LHX6: variants seen among roughly 807,000 people sequenced by gnomAD.
LHX6 encodes the protein LIM homeobox 6.
LHX6 carries 15 observed loss-of-function variants against 47.1 expected under a neutral mutation model. The ratio of observed to expected loss-of-function variants is 0.32; its 90% CI spans 0.21 to 0.49. LHX6 has a LOEUF of 0.49. Among genes scored for constraint, LHX6 ranks in the 20% least tolerant of loss-of-function variants. LHX6 has a pLI of 0.99. For synonymous variants in LHX6, 242 were observed against 233.5 expected (o/e 1.04, Z -0.33); for missense variants, 404 against 539.6 (o/e 0.75, Z 2.49).
chr9:122,208,657 C>T (rs555877431), intron 9 of LHX6, among the ~76,000 whole-genome samples: 41 of 152,066 alleles, frequency 2.7e-4, no homozygotes, highest in African/African-American at 5.3e-4. Context: ...CGTGGCGAAA[C>T]CCCATCTCTA....
intron 1 of LHX6, chr9:122,228,384 G>C (rs1225773702): frequency 7.9e-6 from 12 of 1,511,400 alleles, no homozygotes; most frequent in African/African-American, 1.4e-5. Flanking sequence ...TATTCAGACG[G>C]ACAATACCGG....
chr9:122,219,281 G>A (rs1246063187), intron 4 of LHX6, among the ~76,000 whole-genome samples: 2 of 152,216 alleles, frequency 1.3e-5, no homozygotes, highest in Non-Finnish European at 2.9e-5. Context: ...GGACCCTTCC[G>A]CAGGCGGCGC....
In LHX6 at chr9:122,213,509, G is replaced by T; in HGVS notation, c.1054+97C>A. On this transcript the variant is annotated intron_variant, in intron 8 of 9. Transcript: ENST00000394319. This position sits in a 1 kb window ranked among gnomAD's most constrained non-coding sequence, Gnocchi z 5.5. The stretch of plus-strand genomic sequence containing the variant: ...CTTCTTCACCCACGAGGCTCCCCAA[G>T]GCCCTCCACCCCACGCCTCGGCCTC... 1 of 1,139,036 alleles carries T rather than the reference G, an allele frequency of 8.8e-7. No homozygotes were observed. Among genetic ancestry groups the T allele is most frequent in the Non-Finnish European group, 1.2e-6 (1 of 826,660 alleles). 70.6% of individuals were successfully genotyped at this position (1,139,036 alleles called of 1,614,324 possible).
In LHX6 at chr9:122,204,562, G is replaced by A; in HGVS notation, c.*198C>T. 2 of 488,222 alleles carry A rather than the reference G, an allele frequency of 4.1e-6. No homozygotes were observed. The highest frequency in any genetic ancestry group is 7.3e-6 in the Non-Finnish European group (2 of 272,484). The allele number at this position is 488,222 out of a possible 1,614,324, so 30.2% of individuals were successfully genotyped here. On this transcript the variant is annotated 3_prime_UTR_variant, in exon 10 of 10. Transcript: ENST00000394319. ...CTGCCTTCCAAGAGGAGGACTCTGT[G>A]GTGCTCCTGGTGGGTTCTGGTTCTC...
rs1015519975 is a variant in LHX6, at chr9:122,209,534, T to G, written c.1158+80A>C. On this transcript the variant is annotated intron_variant, in intron 9 of 9. Transcript: ENST00000394319. ...TGCCACAGCGCAGCATGGTACCAAA[T>G]GGTTAACAGAGGATGCTGCCAGAAA... is the stretch of plus-strand genomic sequence containing the variant. 1.9e-6 allele frequency: 3 copies of G among 1,594,374 alleles called. No homozygotes were observed. The African/African-American group carries it at 4.0e-5, about 21-fold the overall frequency.
chr9:122,228,470 G>C, intron 1 of LHX6, 187 bp downstream of exon 1: 1 of 1,395,868 alleles, frequency 7.2e-7, no homozygotes, highest in Non-Finnish European at 9.2e-7. Context: ...TGCATAATGT[G>C]TTCCCGCTTT....
intron 9 of LHX6, among the ~76,000 whole-genome samples, chr9:122,208,309 A>G (rs1417665437): frequency 6.6e-6 from 1 of 152,002 alleles, no homozygotes; most frequent in African/African-American, 2.4e-5. Context: ...TCTTCTGGGA[A>G]GTCTTCCCTG....
At chr9:122,216,960 C>G (rs1000114675) in intron 5 of LHX6, 108 bp downstream of exon 5, 9 of 913,188 alleles carry the variant, frequency 9.9e-6, no homozygotes, top group Non-Finnish European at 1.5e-5. Flanking sequence ...GGGACTATAC[C>G]GGGAGGGCCC....
chr9:122,228,081 A>G, intron 1 of LHX6: 1 of 591,150 alleles, frequency 1.7e-6, no homozygotes, highest in Non-Finnish European at 3.0e-6. Context: ...GTTGAAGAAA[A>G]GAAAACCCCG....
chr9:122,217,087 G>C lies in LHX6; in HGVS notation c.663C>G (p.Leu221=). 6.2e-7 allele frequency: 1 copy of C among 1,614,134 alleles called. No homozygotes were observed. Among genetic ancestry groups the C allele is most frequent in the Non-Finnish European group, 8.5e-7 (1 of 1,179,994 alleles). The part of the protein sequence containing the change: ...RIHYDTMIEN[L]KRAAENGNGL... ...GGGTACCGTTCTCGGCGGCCCTCTTGAGGTTCTCAATCATGGTGTCGTAGT... is the reference window on the plus strand; with the variant it reads ...GGGTACCGTTCTCGGCGGCCCTCTTCAGGTTCTCAATCATGGTGTCGTAGT... The change falls in exon 5 of 10, where the codon CTC becomes CTG. Residue 221 remains leucine (L), a synonymous_variant. Transcript: ENST00000394319. This position sits in a 1 kb window ranked among gnomAD's most constrained non-coding sequence, Gnocchi z 4.9.
chr9:122,219,957 C>A (rs935428724), intron 4 of LHX6, among the ~76,000 whole-genome samples: 2 of 152,210 alleles, frequency 1.3e-5, no homozygotes, highest in African/African-American at 2.4e-5. Context: ...CTGGAGAAGG[C>A]GGTGAGTGCG....
At position 122,213,998 on chromosome 9, in the gene LHX6, C is replaced by G. The variant is rs1309360466; in HGVS notation, c.855G>C (p.Thr285=). The G allele has an allele frequency of 3.1e-6, 5 of 1,601,476 alleles. No homozygotes were observed. Among genetic ancestry groups the G allele is most frequent in the Non-Finnish European group, 4.2e-6 (5 of 1,179,444 alleles). ...AQTLQKLADM[T]GLSRRVIQVW... Reference sequence around the variant, plus strand: ...CCTGGATGACTCTCCGGCTGAGGCCCGTCATGTCCGCCAGCTTCTGCAGCG... The same window carrying G: ...CCTGGATGACTCTCCGGCTGAGGCCGGTCATGTCCGCCAGCTTCTGCAGCG... Residue 285 remains threonine, a synonymous_variant, in exon 7 of 10, where the codon ACG becomes ACC. Transcript: ENST00000394319. The surrounding 1 kb of genome is among the most constrained non-coding windows in gnomAD (Gnocchi z 5.5).
chr9:122,217,395 CT>C lies in LHX6; in HGVS notation c.462-108del. ...GCCCCCAGGCTCCTGGCCTCTAAGT[CT>C]TCAACTCAGGCATTAGCCTTAGCTT... On this transcript the variant is annotated intron_variant, in intron 4 of 9. Transcript: ENST00000394319. The surrounding 1 kb of genome is among the most constrained non-coding windows in gnomAD (Gnocchi z 4.9). The C allele has an allele frequency of 1.2e-6, 1 of 847,080 alleles. No homozygotes were observed. The highest frequency in any genetic ancestry group is 1.8e-6 in the Non-Finnish European group (1 of 544,170). The allele number at this position is 847,080 out of a possible 1,614,324, so 52.5% of individuals were successfully genotyped here.
chr9:122,227,032 T>C lies in LHX6; in HGVS notation c.157-2A>G, dbSNP rs1378525992. On this transcript the variant is annotated splice_acceptor_variant, in intron 2 of 9. Transcript: ENST00000394319. LOFTEE classifies it high-confidence loss of function. The stretch of plus-strand genomic sequence containing the variant: ...CAGGGCCTCGGCGTCAGACTGAGCC[T>C]GCGGCGGGGGAGAGAAGGAGAGGAG... 9 of 1,479,602 alleles carry C rather than the reference T, an allele frequency of 6.1e-6. No homozygotes were observed. The highest frequency in any genetic ancestry group is 1.4e-5 in the South Asian group (1 of 72,794). 91.7% of individuals were successfully genotyped at this position (1,479,602 alleles called of 1,614,324 possible). A position where few individuals can be genotyped will look rare whatever the true frequency, so the allele number is the denominator to read the frequency against.
chr9:122,223,394 T>G (rs559163382), intron 4 of LHX6, among the ~76,000 whole-genome samples: 19 of 152,210 alleles, frequency 1.2e-4, no homozygotes, highest in Non-Finnish European at 2.5e-4. Context: ...CCAGGCAGGC[T>G]CTGCTCCTCA....
chr9:122,211,151 T>C (rs1830384731), intron 8 of LHX6, among the ~76,000 whole-genome samples: 1 of 152,208 alleles, frequency 6.6e-6, no homozygotes, highest in African/African-American at 2.4e-5. Context: ...GAGAAGTCCA[T>C]TGCTGGTCTC....
intron 4 of LHX6, among the ~76,000 whole-genome samples, chr9:122,224,983 A>G (rs541703819): frequency 1.3e-5 from 2 of 152,188 alleles, no homozygotes; most frequent in East Asian, 3.9e-4. Flanking sequence ...CCATCCCATA[A>G]AGGAAGAGTC....
chr9:122,221,328 A>G, intron 4 of LHX6: 1 of 985,040 alleles, frequency 1.0e-6, no homozygotes, highest in Non-Finnish European at 1.2e-6. Flanking sequence ...CTCCCCCAAC[A>G]TCTGTCCCCC....
intron 9 of LHX6, among the ~76,000 whole-genome samples, chr9:122,208,661 A>G (rs1289827197): frequency 6.6e-6 from 1 of 151,840 alleles, no homozygotes; most frequent in Non-Finnish European, 1.5e-5. Context: ...GCGAAACCCC[A>G]TCTCTACTAA....
Sources: gnomAD v4.1 joint callset for allele counts (sites outside exome capture counted in the v4.1 genomes callset) on GRCh38, gnomAD v4.1.1 for gene constraint, Gnocchi (gnomAD v3.1) non-coding constraint, MANE v1.5 for transcripts, NCBI Gene and HGNC (gene_info 2026-07-23, HGNC 2026-07-21) for gene names.